RORA: variants seen among roughly 807,000 people sequenced by gnomAD.
RORA encodes RAR related orphan receptor A, also known as nuclear receptor ROR-alpha.
RORA carries 7 observed loss-of-function variants against 69.5 expected under a neutral mutation model. The ratio of observed to expected loss-of-function variants is 0.10; its 90% CI spans 0.06 to 0.19. The LOEUF (loss-of-function observed/expected upper bound fraction) is 0.19. Among genes scored for constraint, RORA ranks in the 10% least tolerant of loss-of-function variants. The pLI, the probability that RORA is intolerant of heterozygous loss-of-function variation, is 1.00. For missense variants in RORA, 457 were observed against 663.0 expected (o/e 0.69, Z 3.41); for synonymous variants, 261 against 240.8 (o/e 1.08, Z -0.78).
intron 1 of RORA, among the ~76,000 whole-genome samples, chr15:61,175,199 C>T (rs781663091): frequency 5.3e-5 from 8 of 152,124 alleles, no homozygotes; most frequent in Non-Finnish European, 8.8e-5. Flanking sequence ...TCCTGGTGGG[C>T]AAGCACAGCA....
chr15:61,200,646 G>C (rs1477254914), intron 1 of RORA, among the ~76,000 whole-genome samples: 1 of 152,204 alleles, frequency 6.6e-6, no homozygotes. Flanking sequence ...AACACTCTAA[G>C]AAGTTTGGCT....
At chr15:60,754,209 A>G (rs948844804) in intron 1 of RORA, among the ~76,000 whole-genome samples, 11 of 152,234 alleles carry the variant, frequency 7.2e-5, no homozygotes, top group Admixed American at 5.2e-4. Context: ...TTTGAAAATC[A>G]TCGGCTGCTT....
At chr15:61,104,549 T>A (rs1426338097) in intron 1 of RORA, among the ~76,000 whole-genome samples, 1 of 152,204 alleles carries the variant, frequency 6.6e-6, no homozygotes, top group African/African-American at 2.4e-5. Context: ...CCTTACTGGA[T>A]AAAGACAAAC....
At chr15:61,064,845 A>G (rs2078235596) in intron 1 of RORA, among the ~76,000 whole-genome samples, 1 of 152,268 alleles carries the variant, frequency 6.6e-6, no homozygotes, top group East Asian at 1.9e-4. Flanking sequence ...CTTGGGAGCA[A>G]TAAACATTCC....
intron 1 of RORA, among the ~76,000 whole-genome samples, chr15:60,691,889 A>G (rs76873237): frequency 2.6e-5 from 4 of 152,298 alleles, no homozygotes; most frequent in South Asian, 4.1e-4. Context: ...CTAATCTCAT[A>G]TTGGCTCTGG....
intron 1 of RORA, chr15:61,212,040 A>T (rs1201388731): frequency 6.6e-6 from 1 of 152,118 alleles, no homozygotes; most frequent in Non-Finnish European, 1.5e-5. Context: ...CCATGGCTAG[A>T]CCCAGCCTTT....
chr15:60,778,361 C>T (rs1330009086), intron 1 of RORA, among the ~76,000 whole-genome samples: 1 of 152,042 alleles, frequency 6.6e-6, no homozygotes. Flanking sequence ...AAAGGGCACC[C>T]CCCACTGAGT....
At chr15:60,779,774 G>A (rs762259832) in intron 1 of RORA, among the ~76,000 whole-genome samples, 1 of 152,162 alleles carries the variant, frequency 6.6e-6, no homozygotes, top group Non-Finnish European at 1.5e-5. Flanking sequence ...CCCAGGAATT[G>A]CTGTAAACTG....
At chr15:60,664,993 A>G (rs1293989395) in intron 2 of RORA, among the ~76,000 whole-genome samples, 10 of 152,226 alleles carry the variant, frequency 6.6e-5, no homozygotes, top group Non-Finnish European at 7.3e-5. Context: ...GTGTGCAGCC[A>G]CTGATGAGGT....
chr15:60,956,908 C>T (rs1200771045), intron 1 of RORA, among the ~76,000 whole-genome samples: 4 of 152,224 alleles, frequency 2.6e-5, no homozygotes, highest in Admixed American at 2.0e-4. Flanking sequence ...CCACCTTTAT[C>T]AGCTGTGAGA....
chr15:60,857,269 T>G (rs1289102535), intron 1 of RORA, among the ~76,000 whole-genome samples: 1 of 152,004 alleles, frequency 6.6e-6, no homozygotes, highest in Non-Finnish European at 1.5e-5. Context: ...ACATGGCACT[T>G]CCCAGGGCTT....
chr15:60,801,904 C>G (rs759824548), intron 1 of RORA, among the ~76,000 whole-genome samples: 13 of 152,170 alleles, frequency 8.5e-5, no homozygotes, highest in Non-Finnish European at 1.6e-4. Flanking sequence ...GCTGTTTTCA[C>G]ATATATTTCA....
chr15:60,701,180 C>T (rs1056455326), intron 1 of RORA, among the ~76,000 whole-genome samples: 6 of 152,202 alleles, frequency 3.9e-5, no homozygotes, highest in African/African-American at 7.2e-5. Flanking sequence ...ATTAAGTACA[C>T]GGACAATATC....
At chr15:60,815,346 A>G (rs151158160) in intron 1 of RORA, among the ~76,000 whole-genome samples, 85 of 152,292 alleles carry the variant, frequency 5.6e-4, no homozygotes, top group Middle Eastern at 3.4e-3. Context: ...CTGGCAAAAC[A>G]AGGGAGCATT....
intron 1 of RORA, among the ~76,000 whole-genome samples, chr15:61,052,718 T>C (rs2078031431): frequency 6.6e-6 from 1 of 152,228 alleles, no homozygotes; most frequent in Admixed American, 6.5e-5. Context: ...AATAGTATAT[T>C]TCCATGCACT....
At chr15:61,030,967 T>G (rs1048453572) in intron 1 of RORA, among the ~76,000 whole-genome samples, 1 of 152,206 alleles carries the variant, frequency 6.6e-6, no homozygotes, top group African/African-American at 2.4e-5. Context: ...CACATACACA[T>G]GTATATTTCA....
At chr15:60,926,904 G>T (rs1892236323) in intron 1 of RORA, among the ~76,000 whole-genome samples, 1 of 152,152 alleles carries the variant, frequency 6.6e-6, no homozygotes, top group African/African-American at 2.4e-5. Context: ...ATGACTGGAA[G>T]GATCCTCATG....
intron 2 of RORA, among the ~76,000 whole-genome samples, chr15:60,556,675 T>G (rs2067369001): frequency 6.6e-6 from 1 of 152,192 alleles, no homozygotes; most frequent in South Asian, 2.1e-4. Flanking sequence ...TAACCCTGTT[T>G]CATGAGTCTA....
intron 1 of RORA, among the ~76,000 whole-genome samples, chr15:61,059,411 T>C (rs940353571): frequency 1.3e-5 from 2 of 152,216 alleles, no homozygotes; most frequent in African/African-American, 4.8e-5. Flanking sequence ...GTAGATAATA[T>C]TTAATTGTTA....
Sources: gnomAD v4.1 joint callset for allele counts (sites outside exome capture counted in the v4.1 genomes callset) on GRCh38, gnomAD v4.1.1 for gene constraint, MANE v1.5 for transcripts, NCBI Gene and HGNC (gene_info 2026-07-23, HGNC 2026-07-21) for gene names.